Variants in ABCA3 observed in about 807,000 individuals in gnomAD.
ABCA3 encodes phospholipid-transporting ATPase ABCA3.
A neutral mutation model predicts 172.8 loss-of-function variants in ABCA3; 88 were observed. The ratio of observed to expected loss-of-function variants is 0.51; its 90% CI spans 0.43 to 0.61. The LOEUF is 0.61. ABCA3 is among the 20% of genes least tolerant of loss of function. The pLI is 0.00. For synonymous variants in ABCA3, 1,066 were observed against 983.8 expected, an observed-to-expected ratio of 1.08 and a Z score of -1.56; for missense variants, 2,164 against 2,301.0, an observed-to-expected ratio of 0.94 and a Z score of 1.22.
chr16:2,303,764 T>C (rs1024440524), intron 12 of ABCA3, among the ~76,000 whole-genome samples: 1 of 152,084 alleles, frequency 6.6e-6, no homozygotes, highest in Non-Finnish European at 1.5e-5. Context: ...AGGATTACTC[T>C]TGGGCATGGA....
intron 1 of ABCA3, among the ~76,000 whole-genome samples, chr16:2,332,058 T>C (rs545314906): frequency 1.2e-4 from 18 of 152,338 alleles, no homozygotes; most frequent in Admixed American, 3.3e-4. Context: ...GAGCGCATAC[T>C]GCAGGCTGCT....
chr16:2,308,276 G>A (rs1471453059), intron 11 of ABCA3, among the ~76,000 whole-genome samples, 174 bp downstream of exon 11: 10 of 152,182 alleles, frequency 6.6e-5, no homozygotes, highest in African/African-American at 2.2e-4. Context: ...GCCCGGGGCC[G>A]TGTCCAGCTA....
In ABCA3 at chr16:2,295,656, T is replaced by C. The variant is rs778530922; in HGVS notation, c.2348A>G (p.Asn783Ser). ...ISQLVHHHVP[N>S]ATLESSAGAE... is the part of the protein sequence containing the mutation. ...CCCAGCGCTGCTCTCCAGCGTGGCG[T>C]TGGGCACGTGGTGGTGGACCAGCTG... Residue 783 changes from asparagine (N) to serine (S), a missense_variant, in exon 18 of 33, where the codon AAC (asparagine) becomes AGC (serine). Physicochemically the swap from Asn to Ser is conservative, Grantham distance 46. Coordinates refer to ENST00000301732, the MANE Select transcript of ABCA3 (RefSeq NM_001089.3). 4.3e-6 allele frequency: 7 copies of C among 1,613,914 alleles called. No individual in the cohort carries two copies. Among genetic ancestry groups the C allele is most frequent in the East Asian group, 2.2e-5 (1 of 44,898 alleles).
chr16:2,306,811 C>A (rs1035563803), intron 11 of ABCA3, among the ~76,000 whole-genome samples: 1 of 151,840 alleles, frequency 6.6e-6, no homozygotes, highest in Non-Finnish European at 1.5e-5. Context: ...GTCAGAAGAT[C>A]GAGACCATCC....
At chr16:2,330,288 CAAAA>C (rs562749881) in intron 1 of ABCA3, among the ~76,000 whole-genome samples, 1 of 77,880 alleles carries the variant, frequency 1.3e-5, no homozygotes. Flanking sequence ...GACCCTGTCT[CAAAA>C]AAAAAAAAAA....
intron 1 of ABCA3, among the ~76,000 whole-genome samples, chr16:2,330,288 CAAAAA>C (rs562749881): frequency 1.3e-5 from 1 of 77,898 alleles, no homozygotes. Flanking sequence ...GACCCTGTCT[CAAAAA>C]AAAAAAAAAA....
At chr16:2,298,833 G>A (rs956079596) in intron 14 of ABCA3, among the ~76,000 whole-genome samples, 9 of 152,292 alleles carry the variant, frequency 5.9e-5, no homozygotes, top group African/African-American at 2.2e-4. Flanking sequence ...CCCAGCCTGT[G>A]CCACTGCCAG....
Position 2,298,389 on chromosome 16 carries a change from G to C in ABCA3, c.1893C>G (p.Ala631=), listed in dbSNP as rs2093683506. The C allele has an allele frequency of 3.1e-6, 5 of 1,613,904 alleles. No homozygotes were observed. Among genetic ancestry groups the C allele is most frequent in the Non-Finnish European group, 4.2e-6 (5 of 1,180,018 alleles). The stretch of plus-strand genomic sequence containing the variant: ...ACACCCCTGGCCCCCAACTCACCTG[G>C]GCGTAGAAATAAAGGTGCTCTGCGA... The part of the protein sequence containing the change: ...LTVAEHLYFY[A]QLKGLSRQKC... The change falls in exon 15 of 33, where the codon GCC becomes GCG. Residue 631 remains alanine, a synonymous_variant. Transcript: ENST00000301732.
At chr16:2,339,937 C>T (rs1050512550) in intron 1 of ABCA3, among the ~76,000 whole-genome samples, 3 of 152,270 alleles carry the variant, frequency 2.0e-5, no homozygotes, top group African/African-American at 7.2e-5. Context: ...ACGCGGCCTC[C>T]GGCGACTGCC....
chr16:2,303,389 G>A (rs1008674105), intron 12 of ABCA3, among the ~76,000 whole-genome samples: 6 of 151,204 alleles, frequency 4.0e-5, no homozygotes, highest in Non-Finnish European at 7.4e-5. Flanking sequence ...AGCCTCCCGA[G>A]TAGCTGGGAC....
chr16:2,314,871 TC>T (rs1024367232), intron 10 of ABCA3, among the ~76,000 whole-genome samples: 4 of 143,776 alleles, frequency 2.8e-5, no homozygotes, highest in Admixed American at 1.4e-4. Flanking sequence ...TAGTGCCTGG[TC>T]TTTTTTTTTT....
chr16:2,336,731 C>T (rs973325203), intron 1 of ABCA3, among the ~76,000 whole-genome samples: 1 of 151,320 alleles, frequency 6.6e-6, no homozygotes, highest in East Asian at 1.9e-4. Context: ...TGAGCCACCT[C>T]GTCTGGCCAA....
In ABCA3 at chr16:2,285,869, G is replaced by A. The variant is rs998671307; in HGVS notation, c.3279-223C>T. Among the ~76,000 whole-genome samples, 2 of 152,140 alleles carry A rather than the reference G, an allele frequency of 1.3e-5. No homozygotes were observed. Among genetic ancestry groups the A allele is most frequent in the Non-Finnish European group, 2.9e-5 (2 of 68,022 alleles). ...ATGCTGACCATGTGACAATGGCAGC[G>A]TCACTCTCCCTCATCACCCCGCTCC... On this transcript the variant is annotated intron_variant, in intron 22 of 32. Transcript: ENST00000301732. The surrounding 1 kb of genome is among the most constrained non-coding windows in gnomAD (Gnocchi z 4.7).
chr16:2,328,666 C>A lies in ABCA3; in HGVS notation c.-240G>T. On this transcript the variant is annotated 5_prime_UTR_variant, in exon 3 of 33. Coordinates refer to ENST00000301732, the MANE Select transcript of ABCA3 (RefSeq NM_001089.3). ...GCTACAACTGCAGGCAGAGAGGAGT[C>A]CTTCCCGCTCAGCGTCCTTCATGTG... 1 of 434,374 alleles carries A rather than the reference C, an allele frequency of 2.3e-6. No homozygotes were observed. The highest frequency in any genetic ancestry group is 1.6e-5 in the South Asian group (1 of 61,870). The allele number at this position is 434,374 out of a possible 1,614,324, so 26.9% of individuals were successfully genotyped here.
At position 2,298,500 on chromosome 16, in the gene ABCA3, C is replaced by A; in HGVS notation, c.1782G>T (p.Gly594=). Residue 594 remains glycine (G), a synonymous_variant, in exon 15 of 33, where the codon GGG becomes GGT. Coordinates refer to ENST00000301732, the MANE Select transcript of ABCA3 (RefSeq NM_001089.3). ...PPTSGRAYIS[G]YEISQDMVQI... ...GAACCATGTCCTGGGAAATTTCATA[C>A]CCGCTGATGTATGCCCGTCCACTGG... is the stretch of plus-strand genomic sequence containing the variant. 1 of 1,614,046 alleles carries A rather than the reference C, an allele frequency of 6.2e-7. No homozygotes were observed. The highest frequency in any genetic ancestry group is 8.5e-7 in the Non-Finnish European group (1 of 1,180,044).
In ABCA3 at chr16:2,281,820, T is replaced by G. The variant is rs1399405979; in HGVS notation, c.4036-311A>C. Reference sequence around the variant, plus strand: ...ATTTTTAGACAATTTTTTTTTTTTTTTTGAGACAGAGTCTCACTCTGTTGT... The same window carrying G: ...ATTTTTAGACAATTTTTTTTTTTTTGTTGAGACAGAGTCTCACTCTGTTGT... On this transcript the variant is annotated intron_variant, in intron 26 of 32. Transcript: ENST00000301732. This position sits in a 1 kb window ranked among gnomAD's most constrained non-coding sequence, Gnocchi z 4.7. Among the ~76,000 whole-genome samples the G allele has an allele frequency of 6.6e-6, 1 of 152,068 alleles. No homozygotes were observed. The highest frequency in any genetic ancestry group is 2.4e-5 in the African/African-American group (1 of 41,386).
chr16:2,323,586 G>C lies in ABCA3; in HGVS notation c.550C>G (p.Leu184Val). ...CCTGGGTTTGGGAAAAGCGGGAAAA[G>C]GGAAGTAGTGTGCCAGCCTTCTGTC... The part of the protein sequence containing the change: ...KETEGWHTTS[L>V]FPLFPNPGPR... The change falls in exon 7 of 33, where the codon CTT becomes GTT. Residue 184 changes from leucine to valine, a missense_variant. Leu to Val is a conservative substitution (Grantham distance 32, BLOSUM62 1). Transcript: ENST00000301732. 1 of 1,614,188 alleles carries C rather than the reference G, an allele frequency of 6.2e-7. No homozygotes were observed. The highest frequency in any genetic ancestry group is 8.5e-7 in the Non-Finnish European group (1 of 1,180,036).
At chr16:2,337,496 C>T (rs988205777) in intron 1 of ABCA3, among the ~76,000 whole-genome samples, 2 of 151,542 alleles carry the variant, frequency 1.3e-5, no homozygotes, top group African/African-American at 4.9e-5. Flanking sequence ...ACCTCAGTCT[C>T]CCAAATAGCT....
intron 10 of ABCA3, among the ~76,000 whole-genome samples, chr16:2,315,232 AC>A (rs1419452293): frequency 2.6e-5 from 4 of 151,516 alleles, no homozygotes; most frequent in African/African-American, 9.7e-5. Context: ...ACACACACAC[AC>A]ACACACACAC....
Sources: gnomAD v4.1 joint callset for allele counts (sites outside exome capture counted in the v4.1 genomes callset) on GRCh38, gnomAD v4.1.1 for gene constraint, Gnocchi (gnomAD v3.1) non-coding constraint, MANE v1.5 for transcripts, NCBI Gene and HGNC (gene_info 2026-07-23, HGNC 2026-07-21) for gene names.